Variants in OGDH observed in about 807,000 individuals in gnomAD.
The protein encoded by OGDH is 2-oxoglutarate dehydrogenase complex component E1.
A neutral mutation model predicts 116.6 loss-of-function variants in OGDH; 38 were observed. That is an observed-to-expected ratio of 0.33 (90% CI 0.25 to 0.43). The LOEUF (loss-of-function observed/expected upper bound fraction) is 0.43. OGDH is among the 20% of genes least tolerant of loss of function. The pLI is 1.00. For missense variants in OGDH, 825 were observed against 1,357.2 expected (o/e 0.61, Z 6.16); for synonymous variants, 488 against 533.3 (o/e 0.92, Z 1.17).
At position 44,707,571 on chromosome 7, in the gene OGDH, C is replaced by T. The variant is rs1789139763; in HGVS notation, c.2797-11C>T. 2.5e-6 allele frequency: 4 copies of T among 1,613,362 alleles called. No homozygotes were observed. Among genetic ancestry groups the T allele is most frequent in the Non-Finnish European group, 3.4e-6 (4 of 1,179,974 alleles). Reference sequence around the variant, plus strand: ...TTTCCTCTTTTTGATCTGACCCCTGCTGTCTCCTAGCTGTCGCCATTCCCC... The same window carrying T: ...TTTCCTCTTTTTGATCTGACCCCTGTTGTCTCCTAGCTGTCGCCATTCCCC... On this transcript the variant is annotated splice_polypyrimidine_tract_variant and intron_variant, in intron 21 of 22. Transcript: ENST00000222673. This position sits in a 1 kb window ranked among gnomAD's most constrained non-coding sequence, Gnocchi z 5.2.
intron 10 of OGDH, among the ~76,000 whole-genome samples, chr7:44,693,401 G>A (rs889197236): frequency 6.6e-6 from 1 of 151,900 alleles, no homozygotes; most frequent in Non-Finnish European, 1.5e-5. Context: ...AGGCCCAGGA[G>A]TTTGAGGCCA....
intron 9 of OGDH, 114 bp downstream of exon 9, chr7:44,676,263 T>A (rs1252355846): frequency 6.4e-7 from 1 of 1,574,290 alleles, no homozygotes; most frequent in Non-Finnish European, 8.6e-7. Context: ...TTTAAAAAAA[T>A]ATTTAAAGTC....
At position 44,708,252 on chromosome 7, in the gene OGDH, GA is replaced by G; in HGVS notation, c.*256del. 2.1e-6 allele frequency: 1 copy of G among 465,562 alleles called. No homozygotes were observed. The highest frequency in any genetic ancestry group is 3.8e-6 in the Non-Finnish European group (1 of 261,134). The allele number at this position is 465,562 out of a possible 1,614,324, so 28.8% of individuals were successfully genotyped here. A position where few individuals can be genotyped will look rare whatever the true frequency, so the allele number is the denominator to read the frequency against. The stretch of plus-strand genomic sequence containing the variant: ...AGGAGGCCGGGGGGAGCAGGAGGAG[GA>G]AAGGTAGCCCCCGAGGGATGTCCTT... On this transcript the variant is annotated 3_prime_UTR_variant, in exon 23 of 23. Transcript: ENST00000222673.
At chr7:44,677,283 T>C (rs1427933830) in intron 9 of OGDH, among the ~76,000 whole-genome samples, 1 of 152,064 alleles carries the variant, frequency 6.6e-6, no homozygotes, top group Non-Finnish European at 1.5e-5. Context: ...AAGAAGCAAA[T>C]AGCACATACA....
chr7:44,607,225 C>T (rs1784389509), intron 1 of OGDH, among the ~76,000 whole-genome samples: 2 of 152,234 alleles, frequency 1.3e-5, no homozygotes, highest in South Asian at 4.1e-4. Flanking sequence ...CTTGGCGCCG[C>T]CCCCACACCT....
chr7:44,635,383 G>A (rs1260426138), intron 2 of OGDH, among the ~76,000 whole-genome samples: 5 of 152,164 alleles, frequency 3.3e-5, no homozygotes, highest in African/African-American at 9.7e-5. Flanking sequence ...TCAGCTGTGC[G>A]AGGGCCTTTG....
chr7:44,704,117 T>C (rs188508594), intron 20 of OGDH, among the ~76,000 whole-genome samples: 4 of 152,312 alleles, frequency 2.6e-5, no homozygotes, highest in African/African-American at 7.2e-5. Flanking sequence ...ATTTTTAGTT[T>C]TTTGAGGAAC....
chr7:44,694,102 A>T lies in OGDH; in HGVS notation c.1515+98A>T, dbSNP rs1205692785. ...GTCCCAAGGAGAGGAGCTTGTCTAG[A>T]TGAGTCACCTCAGGGCTCTCTACTG... On this transcript the variant is annotated intron_variant, in intron 11 of 22. Transcript: ENST00000222673. This position sits in a 1 kb window ranked among gnomAD's most constrained non-coding sequence, Gnocchi z 4.2. The T allele has an allele frequency of 1.7e-5, 22 of 1,322,212 alleles. No homozygotes were observed. Among genetic ancestry groups the T allele is most frequent in the Non-Finnish European group, 2.2e-5 (21 of 968,720 alleles). The allele number at this position is 1,322,212 out of a possible 1,614,324, so 81.9% of individuals were successfully genotyped here. A position where few individuals can be genotyped will look rare whatever the true frequency, so the allele number is the denominator to read the frequency against.
At chr7:44,646,560 C>T (rs1371161720) in intron 3 of OGDH, among the ~76,000 whole-genome samples, 1 of 152,222 alleles carries the variant, frequency 6.6e-6, no homozygotes, top group Non-Finnish European at 1.5e-5. Context: ...GGAGGAAGCC[C>T]AGTGGTGTTT....
chr7:44,642,948 A>G (rs569917840), intron 2 of OGDH, among the ~76,000 whole-genome samples: 40 of 151,996 alleles, frequency 2.6e-4, no homozygotes, highest in African/African-American at 9.6e-4. Flanking sequence ...TTTAAATATA[A>G]TTCACATAAC....
At chr7:44,629,784 T>C (rs1192731198) in intron 2 of OGDH, among the ~76,000 whole-genome samples, 1 of 152,176 alleles carries the variant, frequency 6.6e-6, no homozygotes, top group African/African-American at 2.4e-5. Context: ...TTCACCATGT[T>C]GGCCAGGCTG....
chr7:44,678,493 G>T (rs1284849004), intron 9 of OGDH, among the ~76,000 whole-genome samples: 1 of 152,200 alleles, frequency 6.6e-6, no homozygotes, highest in Non-Finnish European at 1.5e-5. Context: ...TGGTCACACT[G>T]ATTGGTCCCT....
chr7:44,687,091 ATTTTT>A (rs59074567), intron 10 of OGDH, among the ~76,000 whole-genome samples: 2 of 95,538 alleles, frequency 2.1e-5, no homozygotes, highest in Non-Finnish European at 4.1e-5. Flanking sequence ...ATTTTTTTTA[ATTTTT>A]TTTTTTTTTT....
intron 4 of OGDH, among the ~76,000 whole-genome samples, chr7:44,649,305 AGCAGCATAATCTCG>A (rs1786333550): frequency 1.5e-5 from 2 of 135,762 alleles, no homozygotes; most frequent in Admixed American, 1.7e-4. Flanking sequence ...GCTGGAGTGC[AGCAGCATAATCTCG>A]GCTCACTGCA....
At position 44,696,469 on chromosome 7, in the gene OGDH, C is replaced by A. The variant is rs771248631; in HGVS notation, c.1812C>A (p.Cys604Ter). Residue 604 changes from cysteine to a stop codon, truncating the protein, a stop_gained, in exon 14 of 23, where the codon TGC (cysteine) becomes TGA (stop). Coordinates refer to ENST00000222673, the MANE Select transcript of OGDH (RefSeq NM_002541.4). LOFTEE classifies it high-confidence loss of function. ...TLDGQPRSMSCPSTGLTEDIL... is the reference protein window; with the variant it reads ...TLDGQPRSMS ...ACGGGCAGCCCAGGAGCATGTCCTG[C>A]CCCTCCACGGGTCTGACGGAGGATA... The A allele has an allele frequency of 1.2e-6, 2 of 1,614,168 alleles. No homozygotes were observed. The highest frequency in any genetic ancestry group is 1.3e-5 in the African/African-American group (1 of 75,056).
intron 10 of OGDH, among the ~76,000 whole-genome samples, chr7:44,689,813 C>T (rs556228055): frequency 2.0e-4 from 30 of 152,098 alleles, no homozygotes; most frequent in South Asian, 4.2e-4. Flanking sequence ...GCCATGTATC[C>T]GATGATTTGC....
intron 20 of OGDH, among the ~76,000 whole-genome samples, chr7:44,703,581 A>G (rs1234927326): frequency 2.6e-5 from 4 of 151,930 alleles, no homozygotes; most frequent in African/African-American, 9.7e-5. Flanking sequence ...TTAGCTGGGC[A>G]TGGTGGCGCG....
intron 2 of OGDH, among the ~76,000 whole-genome samples, chr7:44,637,944 G>A (rs1202362850): frequency 6.6e-6 from 1 of 152,208 alleles, no homozygotes; most frequent in African/African-American, 2.4e-5. Context: ...GCAGGGCTCA[G>A]AAGTTGGCCT....
At chr7:44,614,705 T>TG (rs1401038140) in intron 1 of OGDH, among the ~76,000 whole-genome samples, 1 of 152,194 alleles carries the variant, frequency 6.6e-6, no homozygotes, top group African/African-American at 2.4e-5. Flanking sequence ...TGTTCATAGT[T>TG]GCTCGTGGAA....
Sources: allele counts gnomAD v4.1 joint callset (sites outside exome capture counted in the v4.1 genomes callset), GRCh38; gene constraint gnomAD v4.1.1; non-coding constraint Gnocchi (gnomAD v3.1); transcripts MANE v1.5; gene names NCBI Gene and HGNC (gene_info 2026-07-23, HGNC 2026-07-21).